The following PCDH9 variants were observed in gnomAD, a reference collection of about 807,000 sequenced individuals.
The protein encoded by PCDH9 is protocadherin-9.
Under a neutral mutation model 70.6 loss-of-function variants are expected in PCDH9, and 24 were observed. The observed-to-expected ratio is 0.34, with a 90% CI of 0.25 to 0.48. The LOEUF (loss-of-function observed/expected upper bound fraction) is 0.48. Ranked by LOEUF, PCDH9 falls within the 20% of genes least tolerant of loss-of-function variation. The probability of loss-of-function intolerance (pLI) is 0.99; values close to 1 mark genes in which losing one functional copy is unlikely to be tolerated. For synonymous variants in PCDH9, 562 were observed against 558.5 expected (o/e 1.01, Z -0.09); for missense variants, 1,281 against 1,503.6 (o/e 0.85, Z 2.45).
At position 66,742,049 on chromosome 13, in the gene PCDH9, A is replaced by C. The variant is rs1286012390; in HGVS notation, c.3139-110638T>G. ...CGCATTGCCAAGTCAATCCTAAGCC[A>C]AAAGAACAAAGCTGGAGGCATCACA... On this transcript the variant is annotated intron_variant, in intron 3 of 4. Coordinates refer to ENST00000377865, the MANE Select transcript of PCDH9 (RefSeq NM_203487.3). 2.2e-4 allele frequency among the ~76,000 whole-genome samples: 21 copies of C among 93,750 alleles called. No homozygotes were observed. The South Asian group carries it at 0.012, about 55-fold the overall frequency. 61.5% of individuals were successfully genotyped at this position (93,750 alleles called of 152,430 possible).
At chr13:66,500,562 G>A (rs1959171921) in intron 4 of PCDH9, among the ~76,000 whole-genome samples, 1 of 151,848 alleles carries the variant, frequency 6.6e-6, no homozygotes, top group East Asian at 1.9e-4. Context: ...GTTACTGGTT[G>A]GTAAGAAGTG....
chr13:67,158,812 G>A (rs758700739), intron 2 of PCDH9, among the ~76,000 whole-genome samples: 1 of 152,212 alleles, frequency 6.6e-6, no homozygotes, highest in Non-Finnish European at 1.5e-5. Flanking sequence ...GGGACTTGCT[G>A]TCAATGATAT....
At chr13:66,708,242 G>A (rs928702532) in intron 3 of PCDH9, among the ~76,000 whole-genome samples, 1 of 151,172 alleles carries the variant, frequency 6.6e-6, no homozygotes, top group Non-Finnish European at 1.5e-5. Context: ...GTAGAGACGG[G>A]GTTTCACCGT....
chr13:66,703,862 C>T (rs1383276275), intron 3 of PCDH9, among the ~76,000 whole-genome samples: 1 of 152,020 alleles, frequency 6.6e-6, no homozygotes, highest in African/African-American at 2.4e-5. Flanking sequence ...GACTGAGCCA[C>T]TGCACTCCAG....
chr13:67,143,800 G>T (rs2087455231), intron 2 of PCDH9, among the ~76,000 whole-genome samples: 1 of 152,082 alleles, frequency 6.6e-6, no homozygotes, highest in South Asian at 2.1e-4. Context: ...CATGACAGAG[G>T]ATTCCATTTG....
intron 3 of PCDH9, among the ~76,000 whole-genome samples, chr13:66,697,664 C>T (rs1223840667): frequency 1.3e-5 from 2 of 152,000 alleles, no homozygotes; most frequent in African/African-American, 4.8e-5. Flanking sequence ...CACTAGATGC[C>T]AATAGCACTA....
At chr13:66,956,267 G>T (rs17082010) in intron 2 of PCDH9, among the ~76,000 whole-genome samples, 3,506 of 152,202 alleles carry the variant, frequency 0.023, 132 homozygotes, top group African/African-American at 0.08. Context: ...AAGTTTCTAG[G>T]AATAACATCA....
intron 2 of PCDH9, among the ~76,000 whole-genome samples, chr13:66,980,730 G>GTTTTTTGTTT (rs2083730373): frequency 1.4e-5 from 1 of 70,872 alleles, no homozygotes; most frequent in Non-Finnish European, 2.7e-5. Flanking sequence ...TTTTTTCTTT[G>GTTTTTTGTTT]TTTTTTTTTT....
intron 4 of PCDH9, among the ~76,000 whole-genome samples, chr13:66,560,906 G>A (rs1961982430): frequency 6.6e-6 from 1 of 152,114 alleles, no homozygotes. Flanking sequence ...CGTGCTAGCA[G>A]TCCTCACAGC....
chr13:67,097,178 C>T (rs1435556207), intron 2 of PCDH9, among the ~76,000 whole-genome samples: 1 of 151,772 alleles, frequency 6.6e-6, no homozygotes, highest in Non-Finnish European at 1.5e-5. Context: ...TCACCTGAGC[C>T]CAGGGAGGTT....
intron 4 of PCDH9, among the ~76,000 whole-genome samples, chr13:66,429,486 G>A (rs575500948): frequency 1.4e-5 from 2 of 145,480 alleles, no homozygotes; most frequent in Admixed American, 6.9e-5. Flanking sequence ...TACAAAAAAT[G>A]TTTTCTAATA....
intron 2 of PCDH9, among the ~76,000 whole-genome samples, chr13:66,997,505 C>CTGTTTTGTTTTGTTT (rs58349093): frequency 0.03 from 4,298 of 144,372 alleles, 97 homozygotes; most frequent in African/African-American, 0.037. Context: ...CACTGGAGGT[C>CTGTTTTGTTTTGTTT]TGTTTTGTTT....
chr13:66,777,630 A>T (rs1218381462), intron 3 of PCDH9, among the ~76,000 whole-genome samples: 1 of 152,162 alleles, frequency 6.6e-6, no homozygotes, highest in Non-Finnish European at 1.5e-5. Context: ...GTCAGGAAAC[A>T]ACAGGTGCTG....
At chr13:66,443,579 A>G (rs1958014559) in intron 4 of PCDH9, among the ~76,000 whole-genome samples, 1 of 151,990 alleles carries the variant, frequency 6.6e-6, no homozygotes, top group Non-Finnish European at 1.5e-5. Flanking sequence ...ATTTTTTTCA[A>G]CTCTTGAAAT....
chr13:66,828,664 A>G (rs1474765901), intron 3 of PCDH9, among the ~76,000 whole-genome samples: 1 of 152,148 alleles, frequency 6.6e-6, no homozygotes, highest in Non-Finnish European at 1.5e-5. Context: ...TGCCTTGGTA[A>G]ATATTAATAT....
At chr13:66,452,680 T>C (rs572034840) in intron 4 of PCDH9, among the ~76,000 whole-genome samples, 1 of 152,192 alleles carries the variant, frequency 6.6e-6, no homozygotes, top group East Asian at 1.9e-4. Context: ...GCAATTACTT[T>C]CTCAAAGTAA....
At chr13:66,851,892 G>T (rs2081320446) in intron 3 of PCDH9, among the ~76,000 whole-genome samples, 1 of 152,100 alleles carries the variant, frequency 6.6e-6, no homozygotes, top group Non-Finnish European at 1.5e-5. Context: ...ATATCAAGGT[G>T]TCAGCCAATC....
intron 3 of PCDH9, among the ~76,000 whole-genome samples, chr13:66,902,749 A>G (rs1187392727): frequency 6.6e-6 from 1 of 151,800 alleles, no homozygotes; most frequent in Non-Finnish European, 1.5e-5. Context: ...AGTTAACACG[A>G]CTGAACTCTA....
intron 4 of PCDH9, among the ~76,000 whole-genome samples, chr13:66,413,081 C>G (rs1003427287): frequency 6.6e-6 from 1 of 152,176 alleles, no homozygotes; most frequent in Admixed American, 6.5e-5. Flanking sequence ...ACACGTTTGA[C>G]TTAAACTGTC....
Sources: allele counts gnomAD v4.1 joint callset (sites outside exome capture counted in the v4.1 genomes callset), GRCh38; gene constraint gnomAD v4.1.1; transcripts MANE v1.5; gene names NCBI Gene and HGNC (gene_info 2026-07-23, HGNC 2026-07-21).